The following KLHDC10 variants were observed in gnomAD, a reference collection of about 807,000 sequenced individuals.
KLHDC10 encodes kelch domain-containing protein 10.
Under a neutral mutation model 56.1 loss-of-function variants are expected in KLHDC10, and 24 were observed. The observed-to-expected ratio is 0.43, with a 90% CI of 0.31 to 0.60. The LOEUF (loss-of-function observed/expected upper bound fraction) is 0.60. KLHDC10 is among the 20% of genes least tolerant of loss of function. KLHDC10 has a pLI of 0.11. For missense variants in KLHDC10, 349 were observed against 567.0 expected, an observed-to-expected ratio of 0.62 and a Z score of 3.91; for synonymous variants, 188 against 207.1, an observed-to-expected ratio of 0.91 and a Z score of 0.79.
intron 5 of KLHDC10, 111 bp from the exon 6 acceptor site, chr7:130,124,340 T>C: frequency 4.6e-6 from 3 of 651,538 alleles, no homozygotes; most frequent in Non-Finnish European, 8.1e-6. Context: ...GCCTAGGTTA[T>C]TTCCAATAAC....
chr7:130,115,714 CAA>C (rs11451164), intron 2 of KLHDC10, among the ~76,000 whole-genome samples: 3 of 100,278 alleles, frequency 3.0e-5, no homozygotes, highest in African/African-American at 8.0e-5. Flanking sequence ...GACTTGGTCT[CAA>C]AAAAAAAAAA....
At chr7:130,071,685 T>G (rs113362034) in intron 1 of KLHDC10, among the ~76,000 whole-genome samples, 22 of 152,304 alleles carry the variant, frequency 1.4e-4, no homozygotes, top group African/African-American at 4.6e-4. Flanking sequence ...AATATCCCAC[T>G]GGGCAAGCTT....
At chr7:130,115,976 G>T (rs942083013) in intron 2 of KLHDC10, among the ~76,000 whole-genome samples, 1 of 152,010 alleles carries the variant, frequency 6.6e-6, no homozygotes, top group African/African-American at 2.4e-5. Context: ...TTTTGTGTGT[G>T]TGTATTTTTA....
intron 2 of KLHDC10, among the ~76,000 whole-genome samples, chr7:130,102,428 A>G (rs1375063097): frequency 6.6e-6 from 1 of 152,232 alleles, no homozygotes; most frequent in East Asian, 1.9e-4. Context: ...CCTATGGTAG[A>G]AACAGAGATA....
At position 130,078,357 on chromosome 7, in the gene KLHDC10, G is replaced by C. The variant is rs144610560; in HGVS notation, c.166+7548G>C. Among the ~76,000 whole-genome samples the C allele has an allele frequency of 3.4e-3, 511 of 151,900 alleles. 2 individuals carry two copies. Among genetic ancestry groups the C allele is most frequent in the African/African-American group, 0.012 (479 of 41,456 alleles). Reference sequence around the variant, plus strand: ...CTATTGCACTTCAGCCTGGGTGACAGAGCAAGACTCCGTCTCCAAAAATAA... The same window carrying C: ...CTATTGCACTTCAGCCTGGGTGACACAGCAAGACTCCGTCTCCAAAAATAA... On this transcript the variant is annotated intron_variant, in intron 1 of 9. Transcript: ENST00000335420.
intron 1 of KLHDC10, among the ~76,000 whole-genome samples, chr7:130,081,346 C>T (rs1795604883): frequency 6.9e-6 from 1 of 144,024 alleles, no homozygotes; most frequent in Non-Finnish European, 1.5e-5. Context: ...GAGATGGAGT[C>T]TCTCCCTTGT....
chr7:130,109,106 C>A (rs1277929621), intron 2 of KLHDC10, among the ~76,000 whole-genome samples: 3 of 151,914 alleles, frequency 2.0e-5, no homozygotes, highest in Non-Finnish European at 4.4e-5. Context: ...AGGGTTTCAC[C>A]GTGTTGACCA....
chr7:130,071,285 G>A (rs1338449461), intron 1 of KLHDC10, among the ~76,000 whole-genome samples: 1 of 152,192 alleles, frequency 6.6e-6, no homozygotes, highest in African/African-American at 2.4e-5. Context: ...CGGAAGAAAG[G>A]GGTGGGGGAG....
At position 130,098,471 on chromosome 7, in the gene KLHDC10, C is replaced by T. The variant is rs943288051; in HGVS notation, c.253+1464C>T. Among the ~76,000 whole-genome samples, 6 of 151,752 alleles carry T rather than the reference C, an allele frequency of 4.0e-5. No homozygotes were observed. The East Asian group carries it at 7.8e-4, about 20-fold the overall frequency. On this transcript the variant is annotated intron_variant, in intron 2 of 9. Transcript: ENST00000335420. ...TTGTGCCACTGCATTCCAGCCTGGG[C>T]GATAGAGTGAGACTTTTCTCCAAAA...
intron 2 of KLHDC10, among the ~76,000 whole-genome samples, chr7:130,111,525 AT>A (rs1796101200): frequency 6.6e-6 from 1 of 152,188 alleles, no homozygotes; most frequent in African/African-American, 2.4e-5. Flanking sequence ...CCTGGGCAAC[AT>A]AATGATGCCT....
intron 2 of KLHDC10, among the ~76,000 whole-genome samples, chr7:130,097,492 A>G (rs186432174): frequency 6.6e-6 from 1 of 152,300 alleles, no homozygotes; most frequent in East Asian, 1.9e-4. Context: ...TTATAAACCA[A>G]TAGGTTAAAA....
At chr7:130,108,190 T>C (rs1796042366) in intron 2 of KLHDC10, among the ~76,000 whole-genome samples, 1 of 151,872 alleles carries the variant, frequency 6.6e-6, no homozygotes, top group Non-Finnish European at 1.5e-5. Context: ...ATCGCGCCAC[T>C]GTACACCAGC....
intron 1 of KLHDC10, among the ~76,000 whole-genome samples, chr7:130,088,357 C>T (rs1289623395): frequency 6.6e-6 from 1 of 151,764 alleles, no homozygotes; most frequent in Non-Finnish European, 1.5e-5. Flanking sequence ...TCACTGCAAC[C>T]TCTGCCTCCT....
chr7:130,129,862 C>T (rs995853322), intron 9 of KLHDC10, among the ~76,000 whole-genome samples: 1 of 152,098 alleles, frequency 6.6e-6, no homozygotes, highest in Admixed American at 6.5e-5. Context: ...ATAGTTTTAC[C>T]CCCTTGATAC....
Position 130,135,502 on chromosome 7 carries a change from G to C in KLHDC10, c.*4756G>C, listed in dbSNP as rs1796462292. On this transcript the variant is annotated 3_prime_UTR_variant, in exon 10 of 10. Transcript: ENST00000335420. ...TTTAAAGCTATTTTGCCACAGTCCT[G>C]TTAAATAGTGTGGACGTCCTTTTGC... is the stretch of plus-strand genomic sequence containing the variant. The C allele has an allele frequency of 6.5e-6, 1 of 154,426 alleles. No individual in the cohort carries two copies. The highest frequency in any genetic ancestry group is 1.5e-5 in the Non-Finnish European group (1 of 68,226). 9.6% of individuals were successfully genotyped at this position (154,426 alleles called of 1,614,324 possible).
At chr7:130,103,674 C>A (rs1795966728) in intron 2 of KLHDC10, among the ~76,000 whole-genome samples, 1 of 152,126 alleles carries the variant, frequency 6.6e-6, no homozygotes. Context: ...GGAAATTATT[C>A]TCAAGACAGA....
intron 1 of KLHDC10, among the ~76,000 whole-genome samples, chr7:130,089,212 T>A (rs1795736308): frequency 6.6e-6 from 1 of 152,178 alleles, no homozygotes; most frequent in Non-Finnish European, 1.5e-5. Flanking sequence ...TGAAAAAGAC[T>A]GCTGGGCATG....
At chr7:130,098,224 G>A (rs1795878377) in intron 2 of KLHDC10, among the ~76,000 whole-genome samples, 2 of 152,160 alleles carry the variant, frequency 1.3e-5, no homozygotes, top group South Asian at 4.1e-4. Context: ...CAGGCTGGGT[G>A]GCTCATACCT....
chr7:130,101,010 A>C (rs908609077), intron 2 of KLHDC10, among the ~76,000 whole-genome samples: 1 of 146,592 alleles, frequency 6.8e-6, no homozygotes, highest in Non-Finnish European at 1.5e-5. Context: ...AAAAAAAAAA[A>C]CAAAAAAAAC....
Sources: gnomAD v4.1 joint callset for allele counts (sites outside exome capture counted in the v4.1 genomes callset) on GRCh38, gnomAD v4.1.1 for gene constraint, MANE v1.5 for transcripts, NCBI Gene and HGNC (gene_info 2026-07-23, HGNC 2026-07-21) for gene names.